Variants in CNTNAP2 observed in about 807,000 individuals in gnomAD.
CNTNAP2 encodes contactin associated protein 2, also known as contactin-associated protein-like 2.
In CNTNAP2, 98 loss-of-function variants were observed where a neutral mutation model predicts 155.2. That is an observed-to-expected ratio of 0.63 (90% confidence interval 0.54 to 0.75). The LOEUF (loss-of-function observed/expected upper bound fraction) is 0.75. Among genes scored for constraint, CNTNAP2 ranks in the 30% least tolerant of loss-of-function variants. CNTNAP2 has a pLI of 0.00. For synonymous variants in CNTNAP2, 651 were observed against 631.2 expected, an observed-to-expected ratio of 1.03 and a Z score of -0.47; for missense variants, 1,727 against 1,688.1, an observed-to-expected ratio of 1.02 and a Z score of -0.40.
chr7:147,184,769 G>A (rs145530410), intron 8 of CNTNAP2, among the ~76,000 whole-genome samples: 61 of 152,216 alleles, frequency 4.0e-4, no homozygotes, highest in Admixed American at 1.1e-3. Context: ...AGAAGGGATC[G>A]CAATGTACTT....
chr7:146,178,822 G>T (rs1223763768), intron 1 of CNTNAP2, among the ~76,000 whole-genome samples: 1 of 152,076 alleles, frequency 6.6e-6, no homozygotes, highest in African/African-American at 2.4e-5. Flanking sequence ...ATACAGTTGG[G>T]TCTGCTTATT....
intron 1 of CNTNAP2, among the ~76,000 whole-genome samples, chr7:146,571,983 T>C (rs1199244683): frequency 6.6e-6 from 1 of 152,202 alleles, no homozygotes; most frequent in Non-Finnish European, 1.5e-5. Context: ...CCTCCCGAAG[T>C]GCCGGGATTA....
chr7:147,566,924 T>G (rs1311618734), intron 12 of CNTNAP2, among the ~76,000 whole-genome samples: 1 of 152,134 alleles, frequency 6.6e-6, no homozygotes, highest in African/African-American at 2.4e-5. Context: ...AAACAGATCA[T>G]CTGTGTGGAG....
At chr7:146,673,536 C>T (rs978725526) in intron 1 of CNTNAP2, among the ~76,000 whole-genome samples, 2 of 152,148 alleles carry the variant, frequency 1.3e-5, no homozygotes, top group Non-Finnish European at 2.9e-5. Flanking sequence ...GTATAGCCTA[C>T]TCTTGTAACA....
chr7:146,689,977 A>T (rs1029195350), intron 1 of CNTNAP2, among the ~76,000 whole-genome samples: 1 of 151,358 alleles, frequency 6.6e-6, no homozygotes, highest in Non-Finnish European at 1.5e-5. Context: ...GATTATTTTT[A>T]TATTAATATT....
At chr7:147,461,622 A>G (rs895913669) in intron 10 of CNTNAP2, among the ~76,000 whole-genome samples, 1 of 152,142 alleles carries the variant, frequency 6.6e-6, no homozygotes, top group Non-Finnish European at 1.5e-5. Context: ...AAAGTAGTCC[A>G]GCTTTGGGGG....
At chr7:146,850,547 A>C (rs1794859519) in intron 3 of CNTNAP2, among the ~76,000 whole-genome samples, 1 of 152,144 alleles carries the variant, frequency 6.6e-6, no homozygotes, top group Admixed American at 6.6e-5. Flanking sequence ...ATATGTGAGG[A>C]TATAGATTAT....
chr7:146,970,969 C>T (rs1000371040), intron 3 of CNTNAP2, among the ~76,000 whole-genome samples: 1 of 151,944 alleles, frequency 6.6e-6, no homozygotes, highest in Non-Finnish European at 1.5e-5. Context: ...TAACAAAAAA[C>T]CAAACACTGC....
intron 14 of CNTNAP2, among the ~76,000 whole-genome samples, chr7:147,927,309 T>G (rs1800413277): frequency 6.6e-6 from 1 of 152,210 alleles, no homozygotes; most frequent in African/African-American, 2.4e-5. Context: ...TATGCCATAT[T>G]GAGAAAAACT....
chr7:148,045,895 A>G (rs1802765614), intron 15 of CNTNAP2, among the ~76,000 whole-genome samples: 1 of 152,264 alleles, frequency 6.6e-6, no homozygotes, highest in African/African-American at 2.4e-5. Context: ...TACTGTCCTT[A>G]TAAAATCACC....
At chr7:147,748,459 G>T (rs1797081264) in intron 13 of CNTNAP2, among the ~76,000 whole-genome samples, 1 of 152,108 alleles carries the variant, frequency 6.6e-6, no homozygotes, top group African/African-American at 2.4e-5. Context: ...TTAATGATAA[G>T]TGACAGAACC....
chr7:147,898,358 G>A (rs1346548744), intron 13 of CNTNAP2, among the ~76,000 whole-genome samples: 1 of 152,008 alleles, frequency 6.6e-6, no homozygotes, highest in African/African-American at 2.4e-5. Flanking sequence ...TTCCAATATG[G>A]TCCCTACTTT....
At chr7:147,522,674 A>G (rs1398089275) in intron 11 of CNTNAP2, among the ~76,000 whole-genome samples, 1 of 151,786 alleles carries the variant, frequency 6.6e-6, no homozygotes, top group African/African-American at 2.4e-5. Context: ...ATTTTGGGGG[A>G]AAAAAGTTTG....
intron 19 of CNTNAP2, among the ~76,000 whole-genome samples, chr7:148,227,884 C>CGT (rs3057282): frequency 0.045 from 5,870 of 131,402 alleles, 148 homozygotes; most frequent in East Asian, 0.056. Context: ...AAGAGCACAG[C>CGT]GTGTGTGTGT....
intron 13 of CNTNAP2, chr7:147,672,850 C>T (rs1795810927): frequency 6.6e-6 from 1 of 152,054 alleles, no homozygotes; most frequent in African/African-American, 2.4e-5. Flanking sequence ...TTGCTGCTTC[C>T]GTTTCAAAAA....
intron 4 of CNTNAP2, among the ~76,000 whole-genome samples, chr7:147,067,655 A>G (rs1254253296): frequency 6.6e-6 from 1 of 152,206 alleles, no homozygotes; most frequent in Non-Finnish European, 1.5e-5. Flanking sequence ...TCTGACAGGT[A>G]CTATTTCACT....
chr7:147,997,599 C>T (rs10264127), intron 15 of CNTNAP2, among the ~76,000 whole-genome samples: 1 of 151,088 alleles, frequency 6.6e-6, no homozygotes, highest in Non-Finnish European at 1.5e-5. Context: ...CACAGTGAAG[C>T]GGGTGCAGCA....
At chr7:148,365,984 A>G (rs534474322) in intron 21 of CNTNAP2, among the ~76,000 whole-genome samples, 115 of 2,004 alleles carry the variant, frequency 0.057, 55 homozygotes, top group Admixed American at 0.11. Context: ...ATGCATGTAT[A>G]CATGTGTGTA....
intron 17 of CNTNAP2, among the ~76,000 whole-genome samples, chr7:148,154,664 T>C (rs757525678): frequency 1.3e-5 from 2 of 152,204 alleles, no homozygotes; most frequent in Non-Finnish European, 2.9e-5. Context: ...AGGCCGGGCA[T>C]GGTGGCTCAC....
Sources: gnomAD v4.1 joint callset for allele counts (sites outside exome capture counted in the v4.1 genomes callset) on GRCh38, gnomAD v4.1.1 for gene constraint, MANE v1.5 for transcripts, NCBI Gene and HGNC (gene_info 2026-07-23, HGNC 2026-07-21) for gene names.